Variants in EYS observed in about 807,000 individuals in gnomAD.
EYS encodes the protein EGF-like photoreceptor maintenance factor, also known as protein eyes shut homolog.
EYS carries 250 observed loss-of-function variants against 282.1 expected under a neutral mutation model. The observed-to-expected ratio is 0.89, with a 90% CI of 0.80 to 0.98. The LOEUF (loss-of-function observed/expected upper bound fraction) is 0.98, where lower values mean the gene tolerates loss of function less well. EYS is among the 50% of genes least tolerant of loss of function. The pLI is 0.00. For missense variants in EYS, 4,016 were observed against 3,709.0 expected, an observed-to-expected ratio of 1.08 and a Z score of -2.15; for synonymous variants, 1,355 against 1,282.9, an observed-to-expected ratio of 1.06 and a Z score of -1.20.
At chr6:64,425,381 G>A (rs1486676886) in intron 28 of EYS, among the ~76,000 whole-genome samples, 8 of 152,144 alleles carry the variant, frequency 5.3e-5, no homozygotes, top group Non-Finnish European at 1.2e-4. Flanking sequence ...GCAGCCAGGT[G>A]TGGTGGCTCA....
intron 36 of EYS, among the ~76,000 whole-genome samples, chr6:63,813,590 G>T (rs1771102809): frequency 6.6e-6 from 1 of 152,068 alleles, no homozygotes; most frequent in African/African-American, 2.4e-5. Flanking sequence ...AGATTGTTTG[G>T]TCTAAATATA....
intron 12 of EYS, among the ~76,000 whole-genome samples, chr6:65,288,369 G>A (rs1285636609): frequency 2.0e-5 from 3 of 150,406 alleles, no homozygotes; most frequent in African/African-American, 7.3e-5. Flanking sequence ...ACCATGGTGT[G>A]CTTTAAAAAA....
At chr6:64,804,042 C>T (rs952446553) in intron 22 of EYS, among the ~76,000 whole-genome samples, 1 of 152,130 alleles carries the variant, frequency 6.6e-6, no homozygotes, top group African/African-American at 2.4e-5. Flanking sequence ...TGGAGTGTAA[C>T]CCTGGCTGTG....
At chr6:64,679,830 T>C (rs1217900544) in intron 22 of EYS, among the ~76,000 whole-genome samples, 3 of 152,178 alleles carry the variant, frequency 2.0e-5, no homozygotes, top group Admixed American at 6.5e-5. Flanking sequence ...TTTCTGAACA[T>C]TTTATGCATG....
intron 41 of EYS, among the ~76,000 whole-genome samples, chr6:63,742,279 G>A (rs1449420862): frequency 6.6e-6 from 1 of 151,974 alleles, no homozygotes; most frequent in Admixed American, 6.6e-5. Context: ...GTGCACCTCT[G>A]TTCCCCAGCT....
chr6:64,974,661 T>C (rs1404383690), intron 14 of EYS, among the ~76,000 whole-genome samples: 1 of 151,904 alleles, frequency 6.6e-6, no homozygotes, highest in East Asian at 1.9e-4. Flanking sequence ...AGGATACATA[T>C]TATATTACAC....
chr6:65,146,706 A>C (rs1281958450), intron 12 of EYS, among the ~76,000 whole-genome samples: 4 of 152,020 alleles, frequency 2.6e-5, no homozygotes, highest in African/African-American at 9.6e-5. Flanking sequence ...CAGACCTGTC[A>C]AATTTTACAT....
chr6:65,454,967 A>G (rs1030301788), intron 5 of EYS, among the ~76,000 whole-genome samples: 3 of 152,080 alleles, frequency 2.0e-5, no homozygotes, highest in Non-Finnish European at 4.4e-5. Context: ...ATATTTGCTT[A>G]GGGTTGCTTT....
Position 64,930,461 on chromosome 6 carries a change from T to TAAAAAAAA in EYS, c.2381+15324_2381+15331dup, listed in dbSNP as rs55650031. Among the ~76,000 whole-genome samples the TAAAAAAAA allele has an allele frequency of 9.8e-5, 12 of 123,030 alleles. 1 individual carries two copies. Among genetic ancestry groups the TAAAAAAAA allele is most frequent in the African/African-American group, 1.8e-4 (6 of 33,488 alleles). 80.7% of individuals were successfully genotyped at this position (123,030 alleles called of 152,430 possible). The stretch of plus-strand genomic sequence containing the variant: ...TTAGGACTTCTATGCATAAATAAGG[T>TAAAAAAAA]AAAAAAAAAAAAAAAAAAAAAGCAA... On this transcript the variant is annotated intron_variant, in intron 15 of 42. Coordinates refer to ENST00000503581, the MANE Select transcript of EYS (RefSeq NM_001142800.2).
intron 12 of EYS, among the ~76,000 whole-genome samples, chr6:65,197,653 T>A (rs917286834): frequency 1.3e-5 from 2 of 152,114 alleles, no homozygotes; most frequent in Non-Finnish European, 2.9e-5. Context: ...AGAGTGTACT[T>A]CCACAAACTG....
At chr6:64,039,232 G>A (rs1213617352) in intron 33 of EYS, among the ~76,000 whole-genome samples, 1 of 152,152 alleles carries the variant, frequency 6.6e-6, no homozygotes, top group Admixed American at 6.5e-5. Context: ...CATTCATTCA[G>A]ACAGATTGAA....
intron 26 of EYS, among the ~76,000 whole-genome samples, chr6:64,468,950 G>C (rs1776022067): frequency 6.6e-6 from 1 of 152,116 alleles, no homozygotes; most frequent in African/African-American, 2.4e-5. Flanking sequence ...TGTGACTAGT[G>C]CTGCAGTGAA....
At chr6:65,580,764 A>G (rs55896462) in intron 2 of EYS, among the ~76,000 whole-genome samples, 4,548 of 152,110 alleles carry the variant, frequency 0.03, 168 homozygotes, top group African/African-American at 0.091. Flanking sequence ...TACTATTTCA[A>G]TTTAATATAG....
chr6:65,631,593 C>T (rs1371704261), intron 2 of EYS, among the ~76,000 whole-genome samples: 1 of 152,088 alleles, frequency 6.6e-6, no homozygotes, highest in African/African-American at 2.4e-5. Flanking sequence ...ACTGAACAAG[C>T]ACAAATACTG....
At chr6:64,886,949 A>G in intron 18 of EYS, 107 bp from the exon 19 acceptor site, 1 of 725,444 alleles carries the variant, frequency 1.4e-6, no homozygotes, top group Non-Finnish European at 2.1e-6. Flanking sequence ...CTTAATTGAA[A>G]TAAATAATAT....
chr6:64,853,584 C>T (rs1046924806), intron 19 of EYS, among the ~76,000 whole-genome samples: 2 of 152,068 alleles, frequency 1.3e-5, no homozygotes, highest in Non-Finnish European at 2.9e-5. Flanking sequence ...AAGAAAAATG[C>T]TAAGGGTTCA....
intron 1 of EYS, among the ~76,000 whole-genome samples, chr6:65,660,333 T>C (rs1767960864): frequency 6.6e-6 from 1 of 151,862 alleles, no homozygotes; most frequent in African/African-American, 2.4e-5. Context: ...TCTCTCCTTT[T>C]AAGCTTTTCT....
rs1467172087 is a variant in EYS, at chr6:64,333,511, A to AG, written c.6079-26430dup. Among the ~76,000 whole-genome samples, 9 of 152,284 alleles carry AG rather than the reference A, an allele frequency of 5.9e-5. No individual in the cohort carries two copies. In the East Asian group the frequency reaches 1.7e-3, roughly 29 times the overall value. On this transcript the variant is annotated intron_variant, in intron 29 of 42. Coordinates refer to ENST00000503581, the MANE Select transcript of EYS (RefSeq NM_001142800.2). ...ATTTAATCAGCAACTATACACAGGA[A>AG]GGGTTGCTCTGTTTGCCAGCCAAGA...
rs912034517 is a variant in EYS at position 64,406,478 on chromosome 6, A to G, written c.5928-17638T>C. On this transcript the variant is annotated intron_variant, in intron 28 of 42. Coordinates refer to ENST00000503581, the MANE Select transcript of EYS (RefSeq NM_001142800.2). ...TTGACAAATGGGATCTAATTAAACT[A>G]AAGAGCTTCTGCACAGCAAAAGAAA... is the stretch of plus-strand genomic sequence containing the variant. Among the ~76,000 whole-genome samples, 36 of 152,206 alleles carry G rather than the reference A, an allele frequency of 2.4e-4. 1 individual carries two copies. Among genetic ancestry groups the G allele is most frequent in the Non-Finnish European group, 1.5e-4 (10 of 68,036 alleles).
Sources: gnomAD v4.1 joint callset for allele counts (sites outside exome capture counted in the v4.1 genomes callset) on GRCh38, gnomAD v4.1.1 for gene constraint, MANE v1.5 for transcripts, NCBI Gene and HGNC (gene_info 2026-07-23, HGNC 2026-07-21) for gene names.